PARD6G: variants seen among roughly 807,000 people sequenced by gnomAD.
The protein encoded by PARD6G is par-6 family cell polarity regulator gamma, also known as partitioning defective 6 homolog gamma.
Under a neutral mutation model 10.7 loss-of-function variants are expected in PARD6G, and 7 were observed. That is an observed-to-expected ratio of 0.66 (90% CI 0.37 to 1.23). The LOEUF is 1.23. Among genes scored for constraint, PARD6G ranks in the 50% most tolerant of loss-of-function variants. PARD6G has a pLI of 0.02. For synonymous variants in PARD6G, 287 were observed against 269.4 expected (o/e 1.07, Z -0.64); for missense variants, 548 against 571.8 (o/e 0.96, Z 0.42).
In PARD6G at chr18:80,217,314, A is replaced by G. The variant is rs553172205; in HGVS notation, c.73-14382T>C. On this transcript the variant is annotated intron_variant, in intron 1 of 2. Coordinates refer to ENST00000353265, the MANE Select transcript of PARD6G (RefSeq NM_032510.4). ...AGGTCTACCATACAGAAGAATACCA[A>G]ATAATTTATTACCAAATAGATACAC... 1.6e-4 allele frequency among the ~76,000 whole-genome samples: 25 copies of G among 152,338 alleles called. No homozygotes were observed. In the East Asian group the frequency reaches 4.8e-3, roughly 29 times the overall value.
chr18:80,168,553 T>C (rs901998509), intron 2 of PARD6G, among the ~76,000 whole-genome samples: 5 of 151,668 alleles, frequency 3.3e-5, no homozygotes, highest in Admixed American at 3.3e-4. Context: ...CCCCATATCC[T>C]GTTTTCAGTC....
chr18:80,194,850 A>T (rs35667410), intron 2 of PARD6G, among the ~76,000 whole-genome samples: 6 of 152,030 alleles, frequency 3.9e-5, no homozygotes, highest in African/African-American at 1.5e-4. Flanking sequence ...CAGCATGAGG[A>T]GACCAGGGGC....
intron 2 of PARD6G, chr18:80,162,378 C>T (rs1363931121): frequency 1.2e-5 from 2 of 160,596 alleles, no homozygotes; most frequent in African/African-American, 4.8e-5. Flanking sequence ...TAATATGTAC[C>T]CACAAAAATA....
At position 80,245,640 on chromosome 18, in the gene PARD6G, T is replaced by C. The variant is rs117523816; in HGVS notation, c.72+1637A>G. Reference sequence around the variant, plus strand: ...CTCACAGCTACTTGTGAATGTACAATAATCTCAAAATAAAAAGTTAAATAA... The same window carrying C: ...CTCACAGCTACTTGTGAATGTACAACAATCTCAAAATAAAAAGTTAAATAA... On this transcript the variant is annotated intron_variant, in intron 1 of 2. Coordinates refer to ENST00000353265, the MANE Select transcript of PARD6G (RefSeq NM_032510.4). 2.7e-3 allele frequency among the ~76,000 whole-genome samples: 418 copies of C among 152,254 alleles called. 5 individuals carry two copies. In the East Asian group the frequency reaches 0.035, roughly 13 times the overall value.
chr18:80,183,295 G>C lies in PARD6G; in HGVS notation c.295+19415C>G. The C allele has an allele frequency of 1.6e-6, 1 of 643,304 alleles. No homozygotes were observed. The highest frequency in any genetic ancestry group is 2.8e-6 in the Non-Finnish European group (1 of 355,986). The allele number at this position is 643,304 out of a possible 1,614,324, so 39.8% of individuals were successfully genotyped here. A position where few individuals can be genotyped will look rare whatever the true frequency, so the allele number is the denominator to read the frequency against. On this transcript the variant is annotated intron_variant, in intron 2 of 2. Transcript: ENST00000353265. This position sits in a 1 kb window ranked among gnomAD's most constrained non-coding sequence, Gnocchi z 4.5. ...TACAGGCATAGTGGAAAAGTACGCT[G>C]ACCTTCTCAGTGGCTCTAAAACAAC...
chr18:80,188,406 T>C lies in PARD6G; in HGVS notation c.295+14304A>G, dbSNP rs1416201415. Reference sequence around the variant, plus strand: ...AGAATACTTTCTTGAGGAGCACAGATGCAGTTCCAAGGACCTAGGCACCTC... The same window carrying C: ...AGAATACTTTCTTGAGGAGCACAGACGCAGTTCCAAGGACCTAGGCACCTC... On this transcript the variant is annotated intron_variant, in intron 2 of 2. Transcript: ENST00000353265. The surrounding 1 kb of genome is among the most constrained non-coding windows in gnomAD (Gnocchi z 5.4). 6.6e-6 allele frequency among the ~76,000 whole-genome samples: 1 copy of C among 152,154 alleles called. No individual in the cohort carries two copies. Among genetic ancestry groups the C allele is most frequent in the Non-Finnish European group, 1.5e-5 (1 of 68,020 alleles).
chr18:80,167,406 A>G (rs573239224), intron 2 of PARD6G, among the ~76,000 whole-genome samples: 1 of 152,302 alleles, frequency 6.6e-6, no homozygotes, highest in Admixed American at 6.5e-5. Flanking sequence ...TTCATGCAGC[A>G]GCTCACTCAG....
At chr18:80,205,024 A>G (rs754594362) in intron 1 of PARD6G, among the ~76,000 whole-genome samples, 11 of 152,122 alleles carry the variant, frequency 7.2e-5, no homozygotes, top group Non-Finnish European at 1.6e-4. Context: ...CCTCTAACCT[A>G]CGGTCTACAT....
intron 1 of PARD6G, among the ~76,000 whole-genome samples, chr18:80,223,894 T>C (rs553151303): frequency 6.6e-6 from 1 of 152,326 alleles, no homozygotes; most frequent in Non-Finnish European, 1.5e-5. Context: ...GCCTCATCAC[T>C]GCTGGGCCTT....
Position 80,157,686 on chromosome 18 carries a change from G to A in PARD6G, c.*2085C>T, listed in dbSNP as rs981671152. 1 of 152,170 alleles carries A rather than the reference G, an allele frequency of 6.6e-6. No individual in the cohort carries two copies. Among genetic ancestry groups the A allele is most frequent in the African/African-American group, 2.4e-5 (1 of 41,406 alleles). 9.4% of individuals were successfully genotyped at this position (152,170 alleles called of 1,614,324 possible). ...AGTCCGGGGGGTGCGGATCCTCACCGGAGAGGTCATGGGGAAGCATCTTTG... is the reference window on the plus strand; with the variant it reads ...AGTCCGGGGGGTGCGGATCCTCACCAGAGAGGTCATGGGGAAGCATCTTTG... On this transcript the variant is annotated 3_prime_UTR_variant, in exon 3 of 3. Transcript: ENST00000353265.
At chr18:80,243,952 T>C (rs1411808147) in intron 1 of PARD6G, among the ~76,000 whole-genome samples, 2 of 152,064 alleles carry the variant, frequency 1.3e-5, no homozygotes, top group Non-Finnish European at 2.9e-5. Context: ...TGAGCTGTGT[T>C]TCTCTGGATT....
At chr18:80,198,807 G>A (rs1966981697) in intron 2 of PARD6G, among the ~76,000 whole-genome samples, 1 of 152,218 alleles carries the variant, frequency 6.6e-6, no homozygotes, top group Non-Finnish European at 1.5e-5. Flanking sequence ...ACCTTACCCA[G>A]GGCCATGGCT....
intron 1 of PARD6G, among the ~76,000 whole-genome samples, chr18:80,204,610 A>T (rs1967038430): frequency 6.6e-6 from 1 of 152,050 alleles, no homozygotes; most frequent in South Asian, 2.1e-4. Flanking sequence ...AGCAATTAAA[A>T]AAAAAAAAAA....
Position 80,231,505 on chromosome 18 carries a change from T to C in PARD6G, c.72+15772A>G, listed in dbSNP as rs563062285. On this transcript the variant is annotated intron_variant, in intron 1 of 2. Transcript: ENST00000353265. This position sits in a 1 kb window ranked among gnomAD's most constrained non-coding sequence, Gnocchi z 4.2. ...GTTGTACAAATACAGACAGACAACA[T>C]AGCAAAGCTGCAAAGAGCCAGGCTC... Among the ~76,000 whole-genome samples, 13 of 152,230 alleles carry C rather than the reference T, an allele frequency of 8.5e-5. No individual in the cohort carries two copies. The highest frequency in any genetic ancestry group is 2.9e-4 in the African/African-American group (12 of 41,548).
At chr18:80,203,078 G>C (rs573511369) in intron 1 of PARD6G, 146 bp from the exon 2 acceptor site, 2 of 595,828 alleles carry the variant, frequency 3.4e-6, no homozygotes, top group Non-Finnish European at 3.0e-6. Flanking sequence ...AGACACATAA[G>C]TTGATTTCAT....
At chr18:80,176,240 TG>T (rs1224475013) in intron 2 of PARD6G, among the ~76,000 whole-genome samples, 1 of 152,236 alleles carries the variant, frequency 6.6e-6, no homozygotes, top group African/African-American at 2.4e-5. Flanking sequence ...GCAGATAACT[TG>T]ATCAGGTTTA....
At chr18:80,199,351 AT>A (rs1299675112) in intron 2 of PARD6G, among the ~76,000 whole-genome samples, 1 of 152,220 alleles carries the variant, frequency 6.6e-6, no homozygotes, top group Non-Finnish European at 1.5e-5. Context: ...GTGTCAGCGC[AT>A]CATTTTTCAT....
chr18:80,220,408 T>C (rs1967216193), intron 1 of PARD6G, among the ~76,000 whole-genome samples: 1 of 152,156 alleles, frequency 6.6e-6, no homozygotes, highest in Non-Finnish European at 1.5e-5. Flanking sequence ...CAATGTGTTA[T>C]CCTGGATGGG....
Position 80,200,129 on chromosome 18 carries a change from T to C in PARD6G, c.295+2581A>G, listed in dbSNP as rs573157084. 9.2e-5 allele frequency among the ~76,000 whole-genome samples: 14 copies of C among 151,928 alleles called. No individual in the cohort carries two copies. Among genetic ancestry groups the C allele is most frequent in the Non-Finnish European group, 1.3e-4 (9 of 67,986 alleles). On this transcript the variant is annotated intron_variant, in intron 2 of 2. Coordinates refer to ENST00000353265, the MANE Select transcript of PARD6G (RefSeq NM_032510.4). This position sits in a 1 kb window ranked among gnomAD's most constrained non-coding sequence, Gnocchi z 4.4. ...TACGGCTGCAGTAGAATCTTGAAAA[T>C]AGCATGACCGTGACTGACCCCTCGA...
Sources: gnomAD v4.1 joint callset for allele counts (sites outside exome capture counted in the v4.1 genomes callset) on GRCh38, gnomAD v4.1.1 for gene constraint, Gnocchi (gnomAD v3.1) non-coding constraint, MANE v1.5 for transcripts, NCBI Gene and HGNC (gene_info 2026-07-23, HGNC 2026-07-21) for gene names.